The following IL10RB variants were observed in gnomAD, a reference collection of about 807,000 sequenced individuals.
The protein encoded by IL10RB is interleukin 10 receptor subunit beta.
Under a neutral mutation model 38.7 loss-of-function variants are expected in IL10RB, and 30 were observed. The ratio of observed to expected loss-of-function variants is 0.78; its 90% CI spans 0.58 to 1.05. The LOEUF is 1.05. Among genes scored for constraint, IL10RB ranks in the 50% least tolerant of loss-of-function variants. The pLI is 0.00. For synonymous variants in IL10RB, 142 were observed against 145.9 expected (o/e 0.97, Z 0.19); for missense variants, 328 against 397.1 (o/e 0.83, Z 1.48).
chr21:33,273,285 A>G (rs1481129899), intron 2 of IL10RB, among the ~76,000 whole-genome samples: 1 of 152,256 alleles, frequency 6.6e-6, no homozygotes, highest in Non-Finnish European at 1.5e-5. Context: ...GACTAACACA[A>G]TAAAGCTAAA....
chr21:33,286,056 G>A (rs1038900619), intron 5 of IL10RB, among the ~76,000 whole-genome samples: 2 of 152,188 alleles, frequency 1.3e-5, no homozygotes, highest in Non-Finnish European at 2.9e-5. Flanking sequence ...ATGGGAGGCC[G>A]CCTGCGGGAA....
intron 3 of IL10RB, 95 bp from the exon 4 acceptor site, chr21:33,279,656 TC>T: frequency 9.7e-7 from 1 of 1,025,654 alleles, no homozygotes; most frequent in Non-Finnish European, 1.5e-6. Flanking sequence ...GCAGTGTACT[TC>T]CGTGGACTAA....
At chr21:33,291,672 C>T (rs1038940702) in intron 6 of IL10RB, among the ~76,000 whole-genome samples, 53 of 152,300 alleles carry the variant, frequency 3.5e-4, no homozygotes, top group African/African-American at 1.1e-3. Context: ...CTGCAGGACA[C>T]GAACAGCAAA....
downstream of IL10RB, among the ~76,000 whole-genome samples, chr21:33,298,961 G>T (rs1235081362): frequency 6.6e-6 from 1 of 152,166 alleles, no homozygotes; most frequent in African/African-American, 2.4e-5. Context: ...CAGAATAAAA[G>T]ATTAGGGTGG....
rs146808992 is a variant in IL10RB at position 33,302,495 on chromosome 21, G to C, written c.130-6481G>C. ...CACTCCTTACAAGTGTTGTCCCCAA[G>C]AGCATTTCCAGATGAATTTCCCACA... On this transcript the variant is annotated intron_variant, in intron 1 of 1. Coordinates refer to the IL10RB transcript ENST00000609556. Among the ~76,000 whole-genome samples the C allele has an allele frequency of 5.6e-4, 86 of 152,350 alleles. 3 individuals carry two copies. The highest frequency in any genetic ancestry group is 3.4e-3 in the Middle Eastern group (1 of 294).
chr21:33,307,097 C>T (rs2083000726), intron 1 of IL10RB, among the ~76,000 whole-genome samples: 1 of 152,184 alleles, frequency 6.6e-6, no homozygotes, highest in South Asian at 2.1e-4. Context: ...CATTCCTCTG[C>T]ACCCCTTCTC....
chr21:33,300,150 A>G (rs2082982025), downstream of IL10RB, among the ~76,000 whole-genome samples: 1 of 152,314 alleles, frequency 6.6e-6, no homozygotes, highest in South Asian at 2.1e-4. Flanking sequence ...TGGATAATAA[A>G]TAATGATGGC....
chr21:33,281,940 T>C (rs1249554854), intron 4 of IL10RB, among the ~76,000 whole-genome samples: 2 of 152,070 alleles, frequency 1.3e-5, no homozygotes, highest in Non-Finnish European at 2.9e-5. Flanking sequence ...CCAGCAGGGA[T>C]TGAGAAGGTC....
chr21:33,302,773 G>A (rs1470316389), intron 1 of IL10RB, among the ~76,000 whole-genome samples: 1 of 152,160 alleles, frequency 6.6e-6, no homozygotes, highest in African/African-American at 2.4e-5. Context: ...TATTTCAGGT[G>A]AGTGATATTA....
chr21:33,303,350 C>CTT (rs11340111), intron 1 of IL10RB, among the ~76,000 whole-genome samples: 1,230 of 109,894 alleles, frequency 0.011, 18 homozygotes, highest in Non-Finnish European at 0.016. Flanking sequence ...CTGTTACTTT[C>CTT]TTTTTTTTTT....
At chr21:33,297,940 G>A (rs8178568), downstream of IL10RB, among the ~76,000 whole-genome samples, 23,693 of 152,220 alleles carry the variant, frequency 0.16, 2,380 homozygotes, top group East Asian at 0.36. Context: ...AGGAACTGTG[G>A]AGGCTGGCAA....
chr21:33,308,953 G>T (rs557947248), intron 1 of IL10RB: 1 of 152,328 alleles, frequency 6.6e-6, no homozygotes, highest in East Asian at 1.9e-4. Flanking sequence ...TTTCTGTGTT[G>T]TTGTGACTTT....
chr21:33,266,524 CCG>C lies in IL10RB; in HGVS notation c.49+13_49+14del. Reference sequence around the variant, plus strand: ...TGCCTGCTGGTGTCAGGTGAGGGGTCCGCGGGGAGGGGGCGCGCTTGGGAACC... The same window carrying C: ...TGCCTGCTGGTGTCAGGTGAGGGGTCCGGGGAGGGGGCGCGCTTGGGAACC... On this transcript the variant is annotated intron_variant, in intron 1 of 6. Transcript: ENST00000290200. 1 of 1,541,650 alleles carries C rather than the reference CCG, an allele frequency of 6.5e-7. No homozygotes were observed. The highest frequency in any genetic ancestry group is 8.7e-7 in the Non-Finnish European group (1 of 1,147,050).
chr21:33,287,987 G>A (rs547790379), intron 5 of IL10RB, 117 bp from the exon 6 acceptor site: 154 of 988,236 alleles, frequency 1.6e-4, no homozygotes, highest in African/African-American at 1.2e-3. Flanking sequence ...TTTCTGAGAC[G>A]TCCCCCAAGA....
At chr21:33,273,060 G>A (rs1946128910) in intron 2 of IL10RB, among the ~76,000 whole-genome samples, 1 of 152,196 alleles carries the variant, frequency 6.6e-6, no homozygotes, top group African/African-American at 2.4e-5. Context: ...TCTGAGAAAT[G>A]CATCATTAGA....
At chr21:33,304,035 TG>T (rs1241970368) in intron 1 of IL10RB, among the ~76,000 whole-genome samples, 10 of 152,140 alleles carry the variant, frequency 6.6e-5, no homozygotes. Flanking sequence ...AGAGGGCTGA[TG>T]GGGCAGTGCC....
rs1187335838 is a variant in IL10RB, at chr21:33,296,881, G to A, written c.*524G>A. 4.2e-6 allele frequency: 1 copy of A among 240,440 alleles called. No individual in the cohort carries two copies. Among genetic ancestry groups the A allele is most frequent in the African/African-American group, 2.3e-5 (1 of 43,306 alleles). 14.9% of individuals were successfully genotyped at this position (240,440 alleles called of 1,614,324 possible). On this transcript the variant is annotated 3_prime_UTR_variant, in exon 7 of 7. Coordinates refer to ENST00000290200, the MANE Select transcript of IL10RB (RefSeq NM_000628.5). Reference sequence around the variant, plus strand: ...GAGAATTGCATGAACCCGGGAGGAGGAGGAGGAGGTTGCAGTGAGCCGAGA... The same window carrying A: ...GAGAATTGCATGAACCCGGGAGGAGAAGGAGGAGGTTGCAGTGAGCCGAGA...
At chr21:33,279,175 T>C (rs1159898942) in intron 3 of IL10RB, among the ~76,000 whole-genome samples, 1 of 152,200 alleles carries the variant, frequency 6.6e-6, no homozygotes, top group African/African-American at 2.4e-5. Flanking sequence ...AATGGTAAGA[T>C]ACAGTCTCTC....
At chr21:33,307,208 C>G (rs1396408301) in intron 1 of IL10RB, among the ~76,000 whole-genome samples, 3 of 152,174 alleles carry the variant, frequency 2.0e-5, no homozygotes, top group Non-Finnish European at 4.4e-5. Context: ...CTGATTCACC[C>G]CAGTCCCTGA....
Sources: gnomAD v4.1 joint callset for allele counts (sites outside exome capture counted in the v4.1 genomes callset) on GRCh38, gnomAD v4.1.1 for gene constraint, MANE v1.5 for transcripts, NCBI Gene and HGNC (gene_info 2026-07-23, HGNC 2026-07-21) for gene names.